The following CCBE1 variants were observed in gnomAD, a reference collection of about 807,000 sequenced individuals.
CCBE1 encodes the protein collagen and calcium-binding EGF domain-containing protein 1.
CCBE1 carries 37 observed loss-of-function variants against 50.0 expected under a neutral mutation model. The observed-to-expected ratio is 0.74, with a 90% CI of 0.57 to 0.97. The LOEUF (loss-of-function observed/expected upper bound fraction) is 0.97. CCBE1 is among the 50% of genes least tolerant of loss of function. The pLI is 0.00. For synonymous variants in CCBE1, 234 were observed against 203.7 expected (o/e 1.15, Z -1.27); for missense variants, 538 against 523.8 (o/e 1.03, Z -0.26).
intron 2 of CCBE1, among the ~76,000 whole-genome samples, chr18:59,480,632 C>A (rs771677732): frequency 6.6e-6 from 1 of 152,018 alleles, no homozygotes; most frequent in African/African-American, 2.4e-5. Context: ...AACAATGAAT[C>A]ATAATAACAA....
intron 5 of CCBE1, among the ~76,000 whole-genome samples, chr18:59,458,760 G>T (rs1221119091): frequency 6.6e-6 from 1 of 152,238 alleles, no homozygotes; most frequent in Non-Finnish European, 1.5e-5. Flanking sequence ...TGTCGGCCAG[G>T]CTCCAGGGCA....
chr18:59,619,796 G>A (rs576424344), intron 2 of CCBE1, among the ~76,000 whole-genome samples: 1 of 152,120 alleles, frequency 6.6e-6, no homozygotes, highest in Middle Eastern at 3.4e-3. Context: ...AACTCCTCTT[G>A]TTTTGATGAG....
intron 5 of CCBE1, among the ~76,000 whole-genome samples, chr18:59,461,014 G>A (rs1386217597): frequency 6.6e-6 from 1 of 151,450 alleles, no homozygotes; most frequent in Non-Finnish European, 1.5e-5. Context: ...GGAATCACAG[G>A]GCTTGTATCA....
chr18:59,509,313 T>C (rs527578019), intron 2 of CCBE1, among the ~76,000 whole-genome samples: 1 of 152,178 alleles, frequency 6.6e-6, no homozygotes, highest in East Asian at 1.9e-4. Flanking sequence ...ATAAAAATCA[T>C]ATATATACAC....
chr18:59,583,654 C>CGT (rs752150539), intron 2 of CCBE1, among the ~76,000 whole-genome samples: 9,631 of 141,952 alleles, frequency 0.068, 309 homozygotes, highest in Middle Eastern at 0.11. Flanking sequence ...CACTGCTTTG[C>CGT]GTGTGTGTGT....
intron 2 of CCBE1, among the ~76,000 whole-genome samples, chr18:59,566,542 C>G (rs1378520913): frequency 6.6e-6 from 1 of 152,172 alleles, no homozygotes; most frequent in Non-Finnish European, 1.5e-5. Context: ...ACATGGTTTT[C>G]AGGCATTTGT....
chr18:59,597,289 G>A (rs2053366110), intron 2 of CCBE1, among the ~76,000 whole-genome samples: 1 of 152,252 alleles, frequency 6.6e-6, no homozygotes, highest in Non-Finnish European at 1.5e-5. Context: ...CACTTTGAAT[G>A]CCTGGGCATG....
chr18:59,688,078 T>C (rs930602681), intron 2 of CCBE1: 1 of 152,240 alleles, frequency 6.6e-6, no homozygotes, highest in Non-Finnish European at 1.5e-5. Context: ...TCCGAATACC[T>C]TCAATGAAAA....
chr18:59,627,534 G>T (rs115914909), intron 2 of CCBE1, among the ~76,000 whole-genome samples: 18 of 152,264 alleles, frequency 1.2e-4, no homozygotes, highest in Non-Finnish European at 2.5e-4. Context: ...TGCAGATGCC[G>T]TCAAGTTAAG....
At chr18:59,652,912 C>A (rs2054144479) in intron 2 of CCBE1, among the ~76,000 whole-genome samples, 1 of 151,658 alleles carries the variant, frequency 6.6e-6, no homozygotes, top group Non-Finnish European at 1.5e-5. Flanking sequence ...TGCAGTGAAC[C>A]GAGAACGCAC....
At chr18:59,461,729 CT>C (rs36013463) in intron 5 of CCBE1, among the ~76,000 whole-genome samples, 5,617 of 109,246 alleles carry the variant, frequency 0.051, 122 homozygotes, top group South Asian at 0.12. Context: ...CAGGTGTAAT[CT>C]TTTTTTTTTT....
In CCBE1 at chr18:59,632,446, G is replaced by C. The variant is rs867385288; in HGVS notation, c.212+64183C>G. On this transcript the variant is annotated intron_variant, in intron 2 of 10. Transcript: ENST00000439986. ...CCGCCACCATGCCTGGCTAATTTTTGTATTTTTAGTACAGATGGGGTTTCA... is the reference window on the plus strand; with the variant it reads ...CCGCCACCATGCCTGGCTAATTTTTCTATTTTTAGTACAGATGGGGTTTCA... Among the ~76,000 whole-genome samples the C allele has an allele frequency of 4.6e-5, 7 of 152,140 alleles. No homozygotes were observed. The Middle Eastern group carries it at 0.01, about 223-fold the overall frequency.
chr18:59,443,498 G>C (rs1342153202), intron 7 of CCBE1, among the ~76,000 whole-genome samples: 3 of 147,132 alleles, frequency 2.0e-5, no homozygotes, highest in African/African-American at 7.6e-5. Context: ...ATGGAGTCTT[G>C]CTCTGTCACC....
intron 6 of CCBE1, 27 bp from the exon 7 acceptor site, chr18:59,448,130 C>T: frequency 6.2e-7 from 1 of 1,612,958 alleles, no homozygotes; most frequent in Non-Finnish European, 8.5e-7. Context: ...AAGCCTCAGT[C>T]AGGAAGCAAT....
chr18:59,635,164 G>C (rs755227047), intron 2 of CCBE1, among the ~76,000 whole-genome samples: 7 of 152,196 alleles, frequency 4.6e-5, no homozygotes, highest in Non-Finnish European at 2.9e-5. Flanking sequence ...TTTGATATTA[G>C]ACTTTTGCAG....
chr18:59,670,174 T>A (rs1001782814), intron 2 of CCBE1, among the ~76,000 whole-genome samples: 1 of 151,980 alleles, frequency 6.6e-6, no homozygotes, highest in Non-Finnish European at 1.5e-5. Context: ...ATTACATAAG[T>A]GGCAAAACTC....
intron 2 of CCBE1, among the ~76,000 whole-genome samples, chr18:59,602,684 G>C (rs142540764): frequency 6.6e-6 from 1 of 152,132 alleles, no homozygotes. Context: ...ACCAGGAAAG[G>C]CCTTATGGGA....
chr18:59,683,653 G>C (rs1427979814), intron 2 of CCBE1, among the ~76,000 whole-genome samples: 1 of 152,116 alleles, frequency 6.6e-6, no homozygotes, highest in African/African-American at 2.4e-5. Flanking sequence ...AGCCAAGATT[G>C]CATCACTGTA....
intron 3 of CCBE1, among the ~76,000 whole-genome samples, chr18:59,473,489 T>C (rs543777210): frequency 6.6e-6 from 1 of 152,306 alleles, no homozygotes; most frequent in South Asian, 2.1e-4. Context: ...TTTTGAATTA[T>C]ATCTTTAAGA....
Sources: allele counts gnomAD v4.1 joint callset (sites outside exome capture counted in the v4.1 genomes callset), GRCh38; gene constraint gnomAD v4.1.1; transcripts MANE v1.5; gene names NCBI Gene and HGNC (gene_info 2026-07-23, HGNC 2026-07-21).